Variants in CTNND2 observed in about 807,000 individuals in gnomAD.
The protein encoded by CTNND2 is catenin delta-2.
Under a neutral mutation model 144.4 loss-of-function variants are expected in CTNND2, and 22 were observed. The ratio of observed to expected loss-of-function variants is 0.15; its 90% CI spans 0.11 to 0.22. The LOEUF is 0.22. Ranked by LOEUF, CTNND2 falls within the 10% of genes least tolerant of loss-of-function variation. CTNND2 has a pLI of 1.00. For missense variants in CTNND2, 1,353 were observed against 1,618.8 expected, an observed-to-expected ratio of 0.84 and a Z score of 2.82; for synonymous variants, 751 against 695.6, an observed-to-expected ratio of 1.08 and a Z score of -1.25.
chr5:11,557,266 T>C (rs1398971522), intron 3 of CTNND2, among the ~76,000 whole-genome samples: 1 of 152,196 alleles, frequency 6.6e-6, no homozygotes, highest in Non-Finnish European at 1.5e-5. Flanking sequence ...CAAGTCAGAC[T>C]TGGCAGGCAA....
chr5:11,367,197 A>T (rs1247320055), intron 7 of CTNND2, among the ~76,000 whole-genome samples: 1 of 152,232 alleles, frequency 6.6e-6, no homozygotes, highest in Non-Finnish European at 1.5e-5. Flanking sequence ...TTTAAAAAGA[A>T]CATTATTTAC....
At chr5:11,876,886 C>T (rs1735608387) in intron 1 of CTNND2, among the ~76,000 whole-genome samples, 1 of 152,104 alleles carries the variant, frequency 6.6e-6, no homozygotes, top group Non-Finnish European at 1.5e-5. Context: ...GACATTTAGT[C>T]CAGCAAACTT....
chr5:11,661,068 A>G (rs1783178019), intron 2 of CTNND2, among the ~76,000 whole-genome samples: 1 of 152,128 alleles, frequency 6.6e-6, no homozygotes, highest in Non-Finnish European at 1.5e-5. Context: ...GCCTCTTTCC[A>G]TTTTTGGTAG....
At chr5:11,490,137 G>A (rs1038571473) in intron 3 of CTNND2, among the ~76,000 whole-genome samples, 6 of 152,088 alleles carry the variant, frequency 3.9e-5, no homozygotes, top group African/African-American at 1.4e-4. Context: ...TTGGCTTTTT[G>A]CTACACAGAG....
At position 11,723,764 on chromosome 5, in the gene CTNND2, TAC is replaced by T. The variant is rs1179821592; in HGVS notation, c.174+8370_174+8371del. Reference sequence around the variant, plus strand: ...GCTTAGGTGAGAGTTAGAAAAATATTACAGTTATTGGGCCGGGCGTGGTGGCT... The same window carrying T: ...GCTTAGGTGAGAGTTAGAAAAATATTAGTTATTGGGCCGGGCGTGGTGGCT... On this transcript the variant is annotated intron_variant, in intron 2 of 21. Coordinates refer to ENST00000304623, the MANE Select transcript of CTNND2 (RefSeq NM_001332.4). Among the ~76,000 whole-genome samples the T allele has an allele frequency of 2.6e-5, 4 of 152,090 alleles. No homozygotes were observed. The South Asian group carries it at 6.2e-4, about 24-fold the overall frequency.
At chr5:11,661,154 G>C (rs1783182699) in intron 2 of CTNND2, among the ~76,000 whole-genome samples, 1 of 152,172 alleles carries the variant, frequency 6.6e-6, no homozygotes, top group Admixed American at 6.6e-5. Flanking sequence ...CTGTTATAAA[G>C]CTCTCTTGTT....
chr5:11,013,785 T>C (rs1741331171), intron 18 of CTNND2, among the ~76,000 whole-genome samples: 1 of 152,194 alleles, frequency 6.6e-6, no homozygotes, highest in African/African-American at 2.4e-5. Context: ...GCAGGGGTTA[T>C]GCAGCCCCCT....
chr5:11,068,081 A>T (rs930722155), intron 16 of CTNND2, among the ~76,000 whole-genome samples: 18 of 152,210 alleles, frequency 1.2e-4, no homozygotes, highest in East Asian at 9.6e-4. Context: ...TGTCTTTTCT[A>T]ATCAGAGAAA....
At chr5:11,558,676 T>C (rs1776439527) in intron 3 of CTNND2, among the ~76,000 whole-genome samples, 1 of 152,052 alleles carries the variant, frequency 6.6e-6, no homozygotes, top group Non-Finnish European at 1.5e-5. Flanking sequence ...TGAGAATATA[T>C]TGGTAGGTAT....
chr5:11,250,489 C>A (rs182743398), intron 9 of CTNND2, among the ~76,000 whole-genome samples: 12,644 of 65,990 alleles, frequency 0.19, 869 homozygotes, highest in African/African-American at 0.3. Context: ...CTCTCTCTCT[C>A]TCTATATATA....
At chr5:11,114,901 TA>T (rs57060495) in intron 13 of CTNND2, among the ~76,000 whole-genome samples, 17,777 of 152,208 alleles carry the variant, frequency 0.12, 1,669 homozygotes, top group East Asian at 0.45. Context: ...AATAATACAT[TA>T]AAACCCAATA....
At chr5:11,735,848 T>G (rs1359750923) in intron 1 of CTNND2, among the ~76,000 whole-genome samples, 2 of 152,130 alleles carry the variant, frequency 1.3e-5, no homozygotes, top group African/African-American at 4.8e-5. Context: ...AATTACTCAG[T>G]CTTAGGTATG....
At chr5:11,579,680 C>T (rs563355638) in intron 2 of CTNND2, among the ~76,000 whole-genome samples, 12 of 152,118 alleles carry the variant, frequency 7.9e-5, no homozygotes, top group Non-Finnish European at 1.3e-4. Flanking sequence ...TCCATTAAAC[C>T]GAGTTCAAGT....
chr5:10,997,239 C>T (rs1739445565), intron 18 of CTNND2, among the ~76,000 whole-genome samples: 1 of 152,088 alleles, frequency 6.6e-6, no homozygotes, highest in African/African-American at 2.4e-5. Flanking sequence ...AAAACACGTT[C>T]AGGATGGAAG....
chr5:11,240,626 G>A (rs1479630434), intron 9 of CTNND2, among the ~76,000 whole-genome samples: 2 of 86,080 alleles, frequency 2.3e-5, no homozygotes, highest in Non-Finnish European at 4.4e-5. Flanking sequence ...CAACACAGAC[G>A]TACATACACA....
At chr5:11,577,862 T>C (rs1778086759) in intron 2 of CTNND2, among the ~76,000 whole-genome samples, 1 of 152,238 alleles carries the variant, frequency 6.6e-6, no homozygotes, top group South Asian at 2.1e-4. Flanking sequence ...AATTTAACTA[T>C]GTTTTTGACA....
At chr5:11,479,252 T>C (rs1227335471) in intron 3 of CTNND2, among the ~76,000 whole-genome samples, 3 of 152,306 alleles carry the variant, frequency 2.0e-5, no homozygotes, top group East Asian at 3.9e-4. Flanking sequence ...ATGTGGTAAT[T>C]GGTTTTCTAT....
intron 11 of CTNND2, among the ~76,000 whole-genome samples, chr5:11,190,357 T>C (rs868116583): frequency 7.9e-5 from 12 of 152,204 alleles, no homozygotes; most frequent in African/African-American, 2.9e-4. Flanking sequence ...TGAAAGGCCA[T>C]GAGGAACTCT....
intron 12 of CTNND2, among the ~76,000 whole-genome samples, chr5:11,153,746 T>C (rs926948841): frequency 6.6e-6 from 1 of 152,206 alleles, no homozygotes; most frequent in African/African-American, 2.4e-5. Flanking sequence ...TTGTATATTG[T>C]TGTCCTTTAG....
Sources: allele counts gnomAD v4.1 joint callset (sites outside exome capture counted in the v4.1 genomes callset), GRCh38; gene constraint gnomAD v4.1.1; transcripts MANE v1.5; gene names NCBI Gene and HGNC (gene_info 2026-07-23, HGNC 2026-07-21).